The following SUGCT variants were observed in gnomAD, a reference collection of about 807,000 sequenced individuals.
SUGCT encodes succinyl-CoA:glutarate CoA-transferase.
In SUGCT, 41 loss-of-function variants were observed where a neutral mutation model predicts 55.0. That is an observed-to-expected ratio of 0.74 (90% CI 0.58 to 0.97). The LOEUF (loss-of-function observed/expected upper bound fraction) is 0.97. Ranked by LOEUF, SUGCT falls within the 50% of genes least tolerant of loss-of-function variation. The probability of loss-of-function intolerance (pLI) is 0.00; values close to 1 mark genes in which losing one functional copy is unlikely to be tolerated. For missense variants in SUGCT, 568 were observed against 547.8 expected (o/e 1.04, Z -0.37); for synonymous variants, 187 against 200.4 (o/e 0.93, Z 0.56).
intron 8 of SUGCT, among the ~76,000 whole-genome samples, chr7:40,309,892 TA>T (rs5883726): frequency 0.12 from 16,548 of 142,980 alleles, 2,148 homozygotes; most frequent in African/African-American, 0.32. Context: ...AAAAAAGTAT[TA>T]AAAAAAAAAA....
At chr7:40,272,193 T>TATACACAC (rs1554299554) in intron 7 of SUGCT, among the ~76,000 whole-genome samples, 5 of 76,276 alleles carry the variant, frequency 6.6e-5, no homozygotes, top group Non-Finnish European at 1.3e-4. Flanking sequence ...TATATATATA[T>TATACACAC]ACAGGGTCTC....
chr7:40,596,126 G>A (rs1562888456), intron 12 of SUGCT, among the ~76,000 whole-genome samples: 1 of 152,122 alleles, frequency 6.6e-6, no homozygotes, highest in East Asian at 1.9e-4. Context: ...GAGGACTTAT[G>A]AGCTGTGTGA....
chr7:40,768,231 C>T (rs1384818002), intron 13 of SUGCT, among the ~76,000 whole-genome samples: 1 of 152,068 alleles, frequency 6.6e-6, no homozygotes, highest in Non-Finnish European at 1.5e-5. Context: ...CAGGCTGCTT[C>T]ACTACCTATT....
intron 13 of SUGCT, among the ~76,000 whole-genome samples, chr7:40,825,216 G>A (rs1443078704): frequency 6.6e-6 from 1 of 152,180 alleles, no homozygotes; most frequent in Non-Finnish European, 1.5e-5. Context: ...AAGAAACTGG[G>A]AAATGTAGTC....
intron 9 of SUGCT, among the ~76,000 whole-genome samples, chr7:40,352,924 C>T (rs1310813675): frequency 6.6e-6 from 1 of 152,124 alleles, no homozygotes. Flanking sequence ...TTCTCTACAA[C>T]TTTGTCAACA....
At chr7:40,744,514 A>ATTT (rs72015705) in intron 12 of SUGCT, among the ~76,000 whole-genome samples, 1 of 150,706 alleles carries the variant, frequency 6.6e-6, no homozygotes, top group Admixed American at 6.6e-5. Context: ...AAGCTTTTCC[A>ATTT]TTTTTTTTTG....
intron 12 of SUGCT, among the ~76,000 whole-genome samples, chr7:40,604,011 C>A (rs1215887042): frequency 6.6e-6 from 1 of 152,064 alleles, no homozygotes; most frequent in Non-Finnish European, 1.5e-5. Context: ...GTTCTTTAGC[C>A]CATCCTGAGG....
Position 40,180,950 on chromosome 7 carries a change from T to G in SUGCT, c.104T>G (p.Met35Arg), listed in dbSNP as rs1412918627. The change falls in exon 2 of 14, where the codon ATG (methionine) becomes AGG (arginine). Residue 35 changes from methionine to arginine, a missense_variant. Met to Arg is a moderately conservative substitution (Grantham distance 91). Coordinates refer to ENST00000335693, the MANE Select transcript of SUGCT (RefSeq NM_001193313.2). ...AATGTTTTCTCTGTTTTGCCAGATA[T>G]GAACAATATAAAGCCATTGGAAGGG... ...GLWTGRPQSD[M>R]NNIKPLEGVK... 1 of 1,606,606 alleles carries G rather than the reference T, an allele frequency of 6.2e-7. No homozygotes were observed. Among genetic ancestry groups the G allele is most frequent in the Non-Finnish European group, 8.5e-7 (1 of 1,173,646 alleles).
rs192547523 is a variant in SUGCT, at chr7:40,316,818, G to T, written c.779G>T (p.Arg260Leu). The change falls in exon 9 of 14, where the codon CGT becomes CTT. Residue 260 changes from arginine to leucine, a missense_variant. By Grantham distance (102) the Arg-to-Leu change is moderately radical. Transcript: ENST00000335693. ...CTTATTGGTCAAAAGGAAGCAAAAC[G>T]TTGGGGTACAGCTCATGGCAGTATC... Reference protein sequence around the residue: ...NYLIGQKEAKRWGTAHGSIVP... With the variant: ...NYLIGQKEAKLWGTAHGSIVP... 2 of 1,601,838 alleles carry T rather than the reference G, an allele frequency of 1.2e-6. No individual in the cohort carries two copies. The highest frequency in any genetic ancestry group is 1.7e-6 in the Non-Finnish European group (2 of 1,173,578).
At chr7:40,471,961 T>G (rs1022901155) in intron 11 of SUGCT, among the ~76,000 whole-genome samples, 1 of 152,246 alleles carries the variant, frequency 6.6e-6, no homozygotes, top group African/African-American at 2.4e-5. Flanking sequence ...AAGTATTGTC[T>G]TACTAGAAAT....
intron 13 of SUGCT, among the ~76,000 whole-genome samples, chr7:40,795,624 A>T (rs1386951463): frequency 6.6e-6 from 1 of 152,132 alleles, no homozygotes; most frequent in Non-Finnish European, 1.5e-5. Flanking sequence ...AGATATAATA[A>T]TCCTGTCTGA....
chr7:40,455,866 T>A (rs1439048100), intron 10 of SUGCT, among the ~76,000 whole-genome samples: 1 of 152,246 alleles, frequency 6.6e-6, no homozygotes, highest in Admixed American at 6.5e-5. Context: ...GCAATTAAAC[T>A]TAACATGTGT....
chr7:40,488,048 A>G (rs548728884), intron 11 of SUGCT, among the ~76,000 whole-genome samples: 87 of 151,826 alleles, frequency 5.7e-4, no homozygotes, highest in Middle Eastern at 3.4e-3. Context: ...ATTTAATCCA[A>G]CAAATTCGAT....
chr7:40,948,433 CATGATGATGAT>C, the SUGCT span, among the ~76,000 whole-genome samples: 3 of 149,134 alleles, frequency 2.0e-5, no homozygotes, highest in Non-Finnish European at 3.0e-5. Context: ...CCCTGAAAAA[CATGATGATGAT>C]GATGATGATG....
chr7:40,251,615 C>G (rs1276962902), intron 7 of SUGCT, among the ~76,000 whole-genome samples: 1 of 152,206 alleles, frequency 6.6e-6, no homozygotes, highest in African/African-American at 2.4e-5. Flanking sequence ...AGGTACGTGG[C>G]AAATCCTGGC....
At chr7:40,396,555 C>T (rs1476099752) in intron 9 of SUGCT, among the ~76,000 whole-genome samples, 2 of 152,092 alleles carry the variant, frequency 1.3e-5, no homozygotes, top group Non-Finnish European at 2.9e-5. Context: ...ACATTTTTGC[C>T]GATTTACTTC....
At chr7:40,194,536 G>A (rs1315451754) in intron 5 of SUGCT, among the ~76,000 whole-genome samples, 1 of 152,230 alleles carries the variant, frequency 6.6e-6, no homozygotes, top group Non-Finnish European at 1.5e-5. Context: ...AAAGTGCTGA[G>A]ATTAGAGGAG....
chr7:40,784,841 T>G (rs900000998), intron 13 of SUGCT, among the ~76,000 whole-genome samples: 4 of 152,206 alleles, frequency 2.6e-5, no homozygotes, highest in Non-Finnish European at 5.9e-5. Context: ...CCTCCATGTC[T>G]TCACTTTGAA....
intron 12 of SUGCT, among the ~76,000 whole-genome samples, chr7:40,531,767 G>A (rs1472631097): frequency 6.6e-6 from 1 of 151,956 alleles, no homozygotes; most frequent in East Asian, 1.9e-4. Flanking sequence ...TCCGCTTCCC[G>A]GGTTCCCGCC....
Sources: gnomAD v4.1 joint callset for allele counts (sites outside exome capture counted in the v4.1 genomes callset) on GRCh38, gnomAD v4.1.1 for gene constraint, MANE v1.5 for transcripts, NCBI Gene and HGNC (gene_info 2026-07-23, HGNC 2026-07-21) for gene names.